Variants in VPS13D observed in about 807,000 individuals in gnomAD.
VPS13D encodes intermembrane lipid transfer protein VPS13D.
A neutral mutation model predicts 461.9 loss-of-function variants in VPS13D; 187 were observed. The observed-to-expected ratio is 0.40, with a 90% CI of 0.36 to 0.46. VPS13D has a LOEUF of 0.46. VPS13D is among the 20% of genes least tolerant of loss of function. The pLI, the probability that VPS13D is intolerant of heterozygous loss-of-function variation, is 0.60. For missense variants in VPS13D, 4,711 were observed against 5,364.9 expected (o/e 0.88, Z 3.81); for synonymous variants, 1,951 against 1,986.3 (o/e 0.98, Z 0.47).
chr1:12,230,464 ACACTTTCCGGGGTCCCAGCAGCCTGGCG>A (rs948735490), intron 1 of VPS13D, among the ~76,000 whole-genome samples: 3 of 151,970 alleles, frequency 2.0e-5, no homozygotes, highest in African/African-American at 7.2e-5. Context: ...GGACCCCGGC[ACACTTTCCGGGGTCCCAGCAGCCTGGCG>A]CCCTGGAATT....
At chr1:12,445,356 C>T (rs757434596) in intron 65 of VPS13D, among the ~76,000 whole-genome samples, 3 of 152,146 alleles carry the variant, frequency 2.0e-5, no homozygotes, top group Admixed American at 1.3e-4. Flanking sequence ...CAGGATAGGC[C>T]GTGTAGCCAC....
chr1:12,368,412 G>A, intron 52 of VPS13D, 56 bp from the exon 53 acceptor site: 1 of 1,543,994 alleles, frequency 6.5e-7, no homozygotes, highest in South Asian at 1.3e-5. Flanking sequence ...GAAGTAAGTG[G>A]ATGGCATCTT....
At chr1:12,259,296 A>G (rs1569713112) in intron 10 of VPS13D, among the ~76,000 whole-genome samples, 1 of 144,514 alleles carries the variant, frequency 6.9e-6, no homozygotes, top group Admixed American at 6.9e-5. Context: ...CTCAGCCTTC[A>G]CCACCCCCAG....
chr1:12,395,444 C>T (rs539419987), intron 60 of VPS13D, among the ~76,000 whole-genome samples: 1 of 152,286 alleles, frequency 6.6e-6, no homozygotes, highest in African/African-American at 2.4e-5. Context: ...CGGCGTGCAT[C>T]TTTCATTGCA....
chr1:12,313,164 A>G (rs757046883), intron 29 of VPS13D, among the ~76,000 whole-genome samples: 1 of 152,172 alleles, frequency 6.6e-6, no homozygotes, highest in Non-Finnish European at 1.5e-5. Context: ...TCCCTGCTGA[A>G]GCACTCTGTC....
chr1:12,330,181 G>A (rs1305997166), intron 37 of VPS13D, among the ~76,000 whole-genome samples: 2 of 152,184 alleles, frequency 1.3e-5, no homozygotes, highest in Non-Finnish European at 2.9e-5. Flanking sequence ...TTGGGAGGCT[G>A]AGGAGGGCGG....
chr1:12,406,273 C>G (rs768293805), intron 63 of VPS13D, among the ~76,000 whole-genome samples: 30 of 151,472 alleles, frequency 2.0e-4, no homozygotes, highest in Non-Finnish European at 3.4e-4. Context: ...GTCATTTATT[C>G]AAAGAGTTTT....
At chr1:12,348,790 C>T in intron 44 of VPS13D, 33 bp from the exon 45 acceptor site, 1 of 1,607,270 alleles carries the variant, frequency 6.2e-7, no homozygotes, top group Non-Finnish European at 8.5e-7. Flanking sequence ...TTTTCAGAAA[C>T]ATAACTATTT....
chr1:12,496,178 C>T (rs1381096837), intron 67 of VPS13D, among the ~76,000 whole-genome samples: 1 of 152,172 alleles, frequency 6.6e-6, no homozygotes, highest in African/African-American at 2.4e-5. Flanking sequence ...CTGTAATACC[C>T]TTAGAGAGTA....
intron 68 of VPS13D, among the ~76,000 whole-genome samples, chr1:12,499,189 T>C (rs1646002105): frequency 6.6e-6 from 1 of 152,112 alleles, no homozygotes. Context: ...GTGCAGAGTC[T>C]ACTACAATGG....
At chr1:12,459,558 A>C (rs1415955678) in intron 66 of VPS13D, among the ~76,000 whole-genome samples, 1 of 148,158 alleles carries the variant, frequency 6.7e-6, no homozygotes. Flanking sequence ...GGCTCACTGC[A>C]ACCTCTGCCT....
chr1:12,240,600 A>G (rs1228879015), intron 2 of VPS13D, among the ~76,000 whole-genome samples: 1 of 150,180 alleles, frequency 6.7e-6, no homozygotes, highest in Non-Finnish European at 1.5e-5. Context: ...CATCTCAAAA[A>G]AAAAAAAAAA....
At chr1:12,253,879 G>A (rs538527634) in intron 7 of VPS13D, 53 bp downstream of exon 7, 40 of 1,454,246 alleles carry the variant, frequency 2.8e-5, no homozygotes, top group South Asian at 1.0e-4. Flanking sequence ...GGGAAGCGGC[G>A]TAGGGTCACT....
intron 23 of VPS13D, among the ~76,000 whole-genome samples, chr1:12,292,294 T>A (rs1569826342): frequency 7.0e-6 from 1 of 142,040 alleles, no homozygotes; most frequent in Non-Finnish European, 1.5e-5. Flanking sequence ...AAAGCTTTTC[T>A]CAGAAAATAG....
At chr1:12,494,553 T>C (rs76807970) in intron 67 of VPS13D, among the ~76,000 whole-genome samples, 3,895 of 152,282 alleles carry the variant, frequency 0.026, 131 homozygotes, top group Admixed American at 0.1. Flanking sequence ...AAACAAGCCA[T>C]CTTTCGTTGG....
rs113554042 is a variant in VPS13D, at chr1:12,299,901, C to CT, written c.6216+530dup. Reference sequence around the variant, plus strand: ...TTACAGTTTTAAATTACTGTGGCACCTTTTTTTTTTTTTCAACTTTTGTTT... The same window carrying CT: ...TTACAGTTTTAAATTACTGTGGCACCTTTTTTTTTTTTTTCAACTTTTGTTT... On this transcript the variant is annotated intron_variant, in intron 25 of 69. Transcript: ENST00000620676. This position sits in a 1 kb window ranked among gnomAD's most constrained non-coding sequence, Gnocchi z 4.2. 2.2e-3 allele frequency among the ~76,000 whole-genome samples: 300 copies of CT among 138,536 alleles called. 2 individuals are homozygous for CT. The highest frequency in any genetic ancestry group is 3.6e-3 in the African/African-American group (137 of 37,810). 90.9% of individuals were successfully genotyped at this position (138,536 alleles called of 152,430 possible). A position where few individuals can be genotyped will look rare whatever the true frequency, so the allele number is the denominator to read the frequency against.
chr1:12,283,660 A>G lies in VPS13D; in HGVS notation c.5558A>G (p.His1853Arg). Residue 1853 changes from histidine (H) to arginine (R), a missense_variant, in exon 21 of 70, where the codon CAC becomes CGC. Physicochemically the swap from His to Arg is conservative, Grantham distance 29 (BLOSUM62 0). Around this residue, in one of 3 missense-constraint regions of VPS13D, gnomAD observed 4,411 missense variants for 4,937.8 expected, o/e 0.89. Transcript: ENST00000620676. ...AGGCTGCCTCCTGAGGGCATTCTGC[A>G]CAACGTGAAGTTGGAGCCACATGCC... ...AMRLPPEGIL[H>R]NVKLEPHASM... The G allele has an allele frequency of 6.2e-7, 1 of 1,614,208 alleles. No homozygotes were observed. Among genetic ancestry groups the G allele is most frequent in the Non-Finnish European group, 8.5e-7 (1 of 1,180,028 alleles).
At position 12,234,300 on chromosome 1, in the gene VPS13D, A is replaced by G; in HGVS notation, c.34A>G (p.Thr12Ala). The G allele has an allele frequency of 6.2e-7, 1 of 1,614,048 alleles. No individual in the cohort carries two copies. Residue 12 changes from threonine to alanine, a missense_variant, in exon 2 of 70, where the codon ACC (threonine) becomes GCC (alanine). Coordinates refer to ENST00000620676, the MANE Select transcript of VPS13D (RefSeq NM_015378.4). ...AGGCCTTGTAGCCTGGGTTCTCAAT[A>G]CCTATTTGGGAAAATATGTCAATAA... is the stretch of plus-strand genomic sequence containing the variant. ...LEGLVAWVLN[T>A]YLGKYVNNLN...
At chr1:12,293,250 G>T (rs977922671) in intron 23 of VPS13D, among the ~76,000 whole-genome samples, 2 of 152,136 alleles carry the variant, frequency 1.3e-5, no homozygotes, top group Non-Finnish European at 2.9e-5. Context: ...ACCTTTCAGG[G>T]CAGGGAGAAA....
Sources: allele counts gnomAD v4.1 joint callset (sites outside exome capture counted in the v4.1 genomes callset), GRCh38; gene constraint gnomAD v4.1.1; regional missense constraint gnomAD v4.1.1; non-coding constraint Gnocchi (gnomAD v3.1); transcripts MANE v1.5; gene names NCBI Gene and HGNC (gene_info 2026-07-23, HGNC 2026-07-21).